ERC2: variants seen among roughly 807,000 people sequenced by gnomAD.
ERC2 encodes the protein ERC protein 2.
Under a neutral mutation model 114.8 loss-of-function variants are expected in ERC2, and 42 were observed. The observed-to-expected ratio is 0.37, with a 90% CI of 0.29 to 0.47. ERC2 has a LOEUF of 0.47. ERC2 is among the 20% of genes least tolerant of loss of function. The probability of loss-of-function intolerance (pLI) is 0.99; values close to 1 mark genes in which losing one functional copy is unlikely to be tolerated. For synonymous variants in ERC2, 454 were observed against 425.5 expected, an observed-to-expected ratio of 1.07 and a Z score of -0.82; for missense variants, 939 against 1,150.7, an observed-to-expected ratio of 0.82 and a Z score of 2.66.
At chr3:55,901,755 C>G (rs1184709087) in intron 13 of ERC2, among the ~76,000 whole-genome samples, 1 of 152,184 alleles carries the variant, frequency 6.6e-6, no homozygotes, top group Non-Finnish European at 1.5e-5. Context: ...TCCATAAGAT[C>G]GATGAGGCCA....
chr3:55,752,039 T>C (rs2172870), intron 14 of ERC2, among the ~76,000 whole-genome samples: 152,322 of 152,322 alleles, frequency 1, 76,161 homozygotes, highest in Non-Finnish European at 1. Context: ...ATCCTAAACC[T>C]TTCTTCAGAA....
chr3:56,145,048 C>G (rs2081066965), intron 5 of ERC2, among the ~76,000 whole-genome samples: 1 of 152,134 alleles, frequency 6.6e-6, no homozygotes, highest in Non-Finnish European at 1.5e-5. Context: ...ATCAGGCACA[C>G]TTCATCCCGT....
intron 1 of ERC2, among the ~76,000 whole-genome samples, chr3:56,437,617 A>G (rs904521025): frequency 6.6e-6 from 1 of 152,240 alleles, no homozygotes; most frequent in Non-Finnish European, 1.5e-5. Context: ...GTTTCTAACT[A>G]AAGAACTTCA....
At chr3:56,097,753 T>C (rs2078141472) in intron 6 of ERC2, among the ~76,000 whole-genome samples, 1 of 152,190 alleles carries the variant, frequency 6.6e-6, no homozygotes, top group African/African-American at 2.4e-5. Context: ...ATTTTGTTAG[T>C]TCATATTATG....
intron 7 of ERC2, among the ~76,000 whole-genome samples, chr3:56,070,590 G>A (rs866786847): frequency 3.9e-5 from 6 of 152,038 alleles, no homozygotes; most frequent in Non-Finnish European, 2.9e-5. Context: ...TTCATTGAAC[G>A]AGAATCAATT....
At chr3:55,838,634 T>C (rs2061001124) in intron 14 of ERC2, among the ~76,000 whole-genome samples, 1 of 151,664 alleles carries the variant, frequency 6.6e-6, no homozygotes, top group African/African-American at 2.4e-5. Flanking sequence ...ATTAGAAAAA[T>C]ACTAAAATCA....
At position 55,777,076 on chromosome 3, in the gene ERC2, T is replaced by TAC. The variant is rs1553670257; in HGVS notation, c.2565-42159_2565-42158insGT. ...CACCCCAAAGGCAGTTAAAAATACA[T>TAC]AAAAAAAAAATAATAACAGCAATAT... is the stretch of plus-strand genomic sequence containing the variant. On this transcript the variant is annotated intron_variant, in intron 14 of 17. Coordinates refer to ENST00000288221, the MANE Select transcript of ERC2 (RefSeq NM_015576.3). Among the ~76,000 whole-genome samples, 905 of 149,530 alleles carry TAC rather than the reference T, an allele frequency of 6.1e-3. 15 individuals carry two copies. Among genetic ancestry groups the TAC allele is most frequent in the African/African-American group, 0.021 (856 of 40,864 alleles).
At chr3:55,952,772 CTCCCACAA>C (rs1253559286) in intron 12 of ERC2, among the ~76,000 whole-genome samples, 3 of 152,202 alleles carry the variant, frequency 2.0e-5, no homozygotes, top group African/African-American at 7.2e-5. Flanking sequence ...AGTGAAAGAG[CTCCCACAA>C]AGTTCTTGGA....
intron 3 of ERC2, among the ~76,000 whole-genome samples, chr3:56,246,120 T>C (rs1478628320): frequency 1.3e-5 from 2 of 149,932 alleles, no homozygotes; most frequent in Non-Finnish European, 3.0e-5. Context: ...AAAAAACTCA[T>C]CTTCATGAAT....
chr3:56,432,488 G>A (rs926594718), intron 2 of ERC2, among the ~76,000 whole-genome samples: 9 of 152,322 alleles, frequency 5.9e-5, no homozygotes, highest in Middle Eastern at 3.4e-3. Flanking sequence ...ATACCGAAGA[G>A]CATCATTTTA....
chr3:55,835,227 A>G (rs1250897658), intron 14 of ERC2, among the ~76,000 whole-genome samples: 2 of 152,184 alleles, frequency 1.3e-5, no homozygotes, highest in African/African-American at 4.8e-5. Context: ...ACAGAAAAAG[A>G]GGGAATCCTC....
At chr3:56,189,287 G>A (rs774485136) in intron 3 of ERC2, among the ~76,000 whole-genome samples, 32 of 152,152 alleles carry the variant, frequency 2.1e-4, no homozygotes, top group African/African-American at 7.5e-4. Flanking sequence ...TCTTCTTTAC[G>A]TGAGATACCT....
At chr3:55,786,891 G>A (rs1202682823) in intron 14 of ERC2, among the ~76,000 whole-genome samples, 1 of 152,218 alleles carries the variant, frequency 6.6e-6, no homozygotes, top group East Asian at 1.9e-4. Flanking sequence ...AAAAGGAAAG[G>A]TCTACTCAGC....
At chr3:55,748,545 C>T (rs2066454257) in intron 14 of ERC2, among the ~76,000 whole-genome samples, 1 of 152,188 alleles carries the variant, frequency 6.6e-6, no homozygotes, top group Admixed American at 6.5e-5. Context: ...TGCCACCAGA[C>T]ACAAAGAAAC....
At chr3:56,347,933 T>C (rs1203760506) in intron 2 of ERC2, among the ~76,000 whole-genome samples, 1 of 152,194 alleles carries the variant, frequency 6.6e-6, no homozygotes, top group Non-Finnish European at 1.5e-5. Flanking sequence ...TTGGTGTAGC[T>C]TCTGTCTCTA....
At chr3:56,165,058 G>T (rs1575648869) in intron 4 of ERC2, among the ~76,000 whole-genome samples, 1 of 151,846 alleles carries the variant, frequency 6.6e-6, no homozygotes, top group Admixed American at 6.6e-5. Context: ...GTGGTCAAGT[G>T]AACACACTTG....
chr3:56,311,794 G>T (rs2056595842), intron 2 of ERC2, among the ~76,000 whole-genome samples: 1 of 149,954 alleles, frequency 6.7e-6, no homozygotes, highest in African/African-American at 2.5e-5. Context: ...AGGAAATCCT[G>T]CCAGGTTAAA....
intron 6 of ERC2, among the ~76,000 whole-genome samples, chr3:56,124,781 G>A (rs2079782266): frequency 6.6e-6 from 1 of 152,090 alleles, no homozygotes; most frequent in Non-Finnish European, 1.5e-5. Context: ...AAAATATGTG[G>A]AGAAATGGAG....
chr3:56,359,457 A>G (rs1413010134), intron 2 of ERC2, among the ~76,000 whole-genome samples: 1 of 152,250 alleles, frequency 6.6e-6, no homozygotes, highest in African/African-American at 2.4e-5. Context: ...CAGCTGCTCT[A>G]CAACAAATAT....
Sources: allele counts gnomAD v4.1 joint callset (sites outside exome capture counted in the v4.1 genomes callset), GRCh38; gene constraint gnomAD v4.1.1; transcripts MANE v1.5; gene names NCBI Gene and HGNC (gene_info 2026-07-23, HGNC 2026-07-21).